The following PPFIA4 variants were observed in gnomAD, a reference collection of about 807,000 sequenced individuals.
PPFIA4 encodes PPFI scaffold protein A4.
Under a neutral mutation model 145.7 loss-of-function variants are expected in PPFIA4, and 98 were observed. The ratio of observed to expected loss-of-function variants is 0.67; its 90% CI spans 0.57 to 0.80. The LOEUF (loss-of-function observed/expected upper bound fraction) is 0.80. Ranked by LOEUF, PPFIA4 falls within the 30% of genes least tolerant of loss-of-function variation. The pLI, the probability that PPFIA4 is intolerant of heterozygous loss-of-function variation, is 0.00. For synonymous variants in PPFIA4, 628 were observed against 649.6 expected (o/e 0.97, Z 0.51); for missense variants, 1,457 against 1,632.7 (o/e 0.89, Z 1.85).
chr1:203,048,051 G>C lies in PPFIA4; in HGVS notation c.1141-176G>C, dbSNP rs1186288721. On this transcript the variant is annotated intron_variant, in intron 9 of 29. Coordinates refer to ENST00000295706, the MANE Select transcript of PPFIA4 (RefSeq NM_001304331.2). This position sits in a 1 kb window ranked among gnomAD's most constrained non-coding sequence, Gnocchi z 5.8. ...ACCTGGCAGGTATTGAAGTACCTGG[G>C]AAGAAAGGCAATGGGGATGGTGGTC... 6.6e-6 allele frequency among the ~76,000 whole-genome samples: 1 copy of C among 152,202 alleles called. No homozygotes were observed. The highest frequency in any genetic ancestry group is 1.5e-5 in the Non-Finnish European group (1 of 68,030).
At chr1:203,052,826 A>C (rs1660631602) in intron 14 of PPFIA4, among the ~76,000 whole-genome samples, 1 of 152,194 alleles carries the variant, frequency 6.6e-6, no homozygotes, top group South Asian at 2.1e-4. Context: ...GGATGATTTC[A>C]GAGAAGCTGC....
Position 203,048,823 on chromosome 1 carries a change from G to A in PPFIA4, c.1357-95G>A, listed in dbSNP as rs1660281026. 1.3e-6 allele frequency: 2 copies of A among 1,532,126 alleles called. No homozygotes were observed. Among genetic ancestry groups the A allele is most frequent in the East Asian group, 4.9e-5 (2 of 41,016 alleles). 94.9% of individuals were successfully genotyped at this position (1,532,126 alleles called of 1,614,324 possible). A position where few individuals can be genotyped will look rare whatever the true frequency, so the allele number is the denominator to read the frequency against. ...GGGGTCTCAATGGGGTGGGTGGCCAGCCTGGAGAGGTGGGGCTGAGACTGC... is the reference window on the plus strand; with the variant it reads ...GGGGTCTCAATGGGGTGGGTGGCCAACCTGGAGAGGTGGGGCTGAGACTGC... On this transcript the variant is annotated intron_variant, in intron 11 of 29. Coordinates refer to ENST00000295706, the MANE Select transcript of PPFIA4 (RefSeq NM_001304331.2). This position sits in a 1 kb window ranked among gnomAD's most constrained non-coding sequence, Gnocchi z 5.8.
chr1:203,032,426 C>CTTTTTTTTTTTT (rs67178955), intron 1 of PPFIA4, among the ~76,000 whole-genome samples: 9,212 of 58,192 alleles, frequency 0.16, 639 homozygotes, highest in East Asian at 0.3. Flanking sequence ...CCCTTCCCCG[C>CTTTTTTTTTTTT]TTTTTTGTTG....
intron 1 of PPFIA4, among the ~76,000 whole-genome samples, chr1:203,030,453 C>T (rs1172570130): frequency 2.0e-5 from 3 of 152,164 alleles, no homozygotes; most frequent in Admixed American, 1.3e-4. Context: ...GGGGTGACCC[C>T]AGAAATCTCA....
At position 203,049,693 on chromosome 1, in the gene PPFIA4, G is replaced by A. The variant is rs778464575; in HGVS notation, c.1437G>A (p.Glu479=). 259 of 1,580,884 alleles carry A rather than the reference G, an allele frequency of 1.6e-4. No homozygotes were observed. Among genetic ancestry groups the A allele is most frequent in the South Asian group, 7.0e-5 (6 of 85,706 alleles). Residue 479 remains glutamate (E), a synonymous_variant, in exon 13 of 30, where the codon GAG becomes GAA. Transcript: ENST00000295706. ...QHHHKGRLSE[E]IEKLRQEVDQ... ...TGGCACAGGGCCGCCTGTCTGAAGA[G>A]ATTGAGAAGCTGCGCCAAGAGGTGG...
intron 18 of PPFIA4, 102 bp from the exon 19 acceptor site, chr1:203,056,682 T>G (rs1660979956): frequency 6.9e-6 from 9 of 1,301,156 alleles, no homozygotes; most frequent in Non-Finnish European, 8.6e-6. Context: ...ATCCCAGTTC[T>G]GACTTAATAG....
Position 203,055,640 on chromosome 1 carries a change from C to CA in PPFIA4, c.2039dup (p.Asp681GlyfsTer13). 2 of 1,614,024 alleles carry CA rather than the reference C, an allele frequency of 1.2e-6. No homozygotes were observed. The highest frequency in any genetic ancestry group is 1.7e-6 in the Non-Finnish European group (2 of 1,179,888). On this transcript the variant is annotated frameshift_variant, in exon 16 of 30. Transcript: ENST00000295706. LOFTEE classifies it high-confidence loss of function. The surrounding 1 kb of genome is among the most constrained non-coding windows in gnomAD (Gnocchi z 4.8). Reference sequence around the variant, plus strand: ...TAAGCTCACCTCCCGCAGTGCTGCCCAGGACCTGGACCGAATGGGGGTCAT... The same window carrying CA: ...TAAGCTCACCTCCCGCAGTGCTGCCCAAGGACCTGGACCGAATGGGGGTCAT...
chr1:203,068,563 C>T lies in PPFIA4; in HGVS notation c.3259C>T (p.Leu1087=). The change falls in exon 27 of 30, where the codon CTG becomes TTG. Residue 1087 remains leucine (L), a synonymous_variant. Transcript: ENST00000295706. This position sits in a 1 kb window ranked among gnomAD's most constrained non-coding sequence, Gnocchi z 4.7. ...TGGTGTGCATGGAGCCTTGCTGGCC[C>T]TGGACGAGAACTTCGACCACAACAC... is the stretch of plus-strand genomic sequence containing the variant. The part of the protein sequence containing the change: ...ESGVHGALLA[L]DENFDHNTLA... 6.2e-7 allele frequency: 1 copy of T among 1,601,254 alleles called. No individual in the cohort carries two copies. The highest frequency in any genetic ancestry group is 8.5e-7 in the Non-Finnish European group (1 of 1,174,320).
chr1:203,068,345 GC>G lies in PPFIA4; in HGVS notation c.3149-107del, dbSNP rs1661877821. Reference sequence around the variant, plus strand: ...TTAGGGATGGAGTGGGGGTCAGAGAGCAGGGTGGACTGCGGCTCTGGGTTTA... The same window carrying G: ...TTAGGGATGGAGTGGGGGTCAGAGAGAGGGTGGACTGCGGCTCTGGGTTTA... On this transcript the variant is annotated intron_variant, in intron 26 of 29. Coordinates refer to ENST00000295706, the MANE Select transcript of PPFIA4 (RefSeq NM_001304331.2). The surrounding 1 kb of genome is among the most constrained non-coding windows in gnomAD (Gnocchi z 4.7). 4.2e-6 allele frequency: 4 copies of G among 948,020 alleles called. No homozygotes were observed. The highest frequency in any genetic ancestry group is 3.9e-5 in the South Asian group (2 of 51,628). The allele number at this position is 948,020 out of a possible 1,614,324, so 58.7% of individuals were successfully genotyped here.
Position 203,075,862 on chromosome 1 carries a change from T to A in PPFIA4, c.3574+105T>A. The stretch of plus-strand genomic sequence containing the variant: ...TGGAGAGGGGCGAGGCCGAGGCTGG[T>A]GCCCCGCGCTCCTGCGCTGCAGCTG... On this transcript the variant is annotated intron_variant, in intron 29 of 29. Transcript: ENST00000295706. This position sits in a 1 kb window ranked among gnomAD's most constrained non-coding sequence, Gnocchi z 4.1. 1 of 1,144,928 alleles carries A rather than the reference T, an allele frequency of 8.7e-7. No individual in the cohort carries two copies. Among genetic ancestry groups the A allele is most frequent in the South Asian group, 2.5e-5 (1 of 40,666 alleles). The allele number at this position is 1,144,928 out of a possible 1,614,324, so 70.9% of individuals were successfully genotyped here. A position where few individuals can be genotyped will look rare whatever the true frequency, so the allele number is the denominator to read the frequency against.
rs3831931 is a variant in PPFIA4 at position 203,068,346 on chromosome 1, CA to C, written c.3149-106del. Reference sequence around the variant, plus strand: ...TAGGGATGGAGTGGGGGTCAGAGAGCAGGGTGGACTGCGGCTCTGGGTTTAG... The same window carrying C: ...TAGGGATGGAGTGGGGGTCAGAGAGCGGGTGGACTGCGGCTCTGGGTTTAG... On this transcript the variant is annotated intron_variant, in intron 26 of 29. Transcript: ENST00000295706. The surrounding 1 kb of genome is among the most constrained non-coding windows in gnomAD (Gnocchi z 4.7). 159,948 of 951,178 alleles carry C rather than the reference CA, an allele frequency of 0.17. 14,780 individuals are homozygous for C. Among genetic ancestry groups the C allele is most frequent in the South Asian group, 0.18 (9,590 of 52,000 alleles). The allele number at this position is 951,178 out of a possible 1,614,324, so 58.9% of individuals were successfully genotyped here. A position where few individuals can be genotyped will look rare whatever the true frequency, so the allele number is the denominator to read the frequency against.
chr1:203,043,326 C>T lies in PPFIA4; in HGVS notation c.235-71C>T, dbSNP rs1217900515. The T allele has an allele frequency of 3.7e-6, 5 of 1,364,030 alleles. No individual in the cohort carries two copies. Among genetic ancestry groups the T allele is most frequent in the Non-Finnish European group, 5.1e-6 (5 of 977,524 alleles). 84.5% of individuals were successfully genotyped at this position (1,364,030 alleles called of 1,614,324 possible). A position where few individuals can be genotyped will look rare whatever the true frequency, so the allele number is the denominator to read the frequency against. On this transcript the variant is annotated intron_variant, in intron 2 of 29. Coordinates refer to ENST00000295706, the MANE Select transcript of PPFIA4 (RefSeq NM_001304331.2). This position sits in a 1 kb window ranked among gnomAD's most constrained non-coding sequence, Gnocchi z 4.4. Reference sequence around the variant, plus strand: ...AGGGATGGGTGAGAGGATCCCACCACTGACTTGCATGTGCAGGACACTGCT... The same window carrying T: ...AGGGATGGGTGAGAGGATCCCACCATTGACTTGCATGTGCAGGACACTGCT...
intron 2 of PPFIA4, among the ~76,000 whole-genome samples, chr1:203,039,474 G>C (rs906978674): frequency 1.3e-5 from 2 of 152,218 alleles, no homozygotes; most frequent in African/African-American, 4.8e-5. Flanking sequence ...GCAGCCATAG[G>C]TGTCAGCTAC....
chr1:203,036,643 G>A (rs936931233), intron 1 of PPFIA4, among the ~76,000 whole-genome samples: 1 of 152,250 alleles, frequency 6.6e-6, no homozygotes, highest in Admixed American at 6.5e-5. Flanking sequence ...CAGGGCTGGA[G>A]CATTCAGGGT....
At chr1:203,041,571 G>A (rs1419094817) in intron 2 of PPFIA4, among the ~76,000 whole-genome samples, 1 of 152,210 alleles carries the variant, frequency 6.6e-6, no homozygotes, top group East Asian at 1.9e-4. Flanking sequence ...CAGCCTGGGT[G>A]ACAGAGGAGA....
At chr1:203,073,465 C>T (rs1236600989) in intron 28 of PPFIA4, among the ~76,000 whole-genome samples, 1 of 151,996 alleles carries the variant, frequency 6.6e-6, no homozygotes, top group Non-Finnish European at 1.5e-5. Flanking sequence ...TTGTGGGAAG[C>T]GTAGAGTAGA....
At position 203,049,674 on chromosome 1, in the gene PPFIA4, A is replaced by G; in HGVS notation, c.1420-2A>G. 1 of 1,500,082 alleles carries G rather than the reference A, an allele frequency of 6.7e-7. No individual in the cohort carries two copies. The allele number at this position is 1,500,082 out of a possible 1,614,324, so 92.9% of individuals were successfully genotyped here. ...GCCCCCACCCCGGGTCTGCTGGCAC[A>G]GGGCCGCCTGTCTGAAGAGATTGAG... On this transcript the variant is annotated splice_acceptor_variant, in intron 12 of 29. Coordinates refer to ENST00000295706, the MANE Select transcript of PPFIA4 (RefSeq NM_001304331.2). LOFTEE classifies it high-confidence loss of function.
At chr1:203,052,052 C>CCCCA (rs1553257080) in intron 14 of PPFIA4, among the ~76,000 whole-genome samples, 175 bp downstream of exon 14, 5 of 140,062 alleles carry the variant, frequency 3.6e-5, no homozygotes, top group Admixed American at 3.5e-4. Context: ...TGTGCCCCCC[C>CCCCA]CCCCGCTTGC....
intron 12 of PPFIA4, among the ~76,000 whole-genome samples, chr1:203,049,427 A>C (rs1660331045): frequency 6.6e-6 from 1 of 152,154 alleles, no homozygotes; most frequent in Admixed American, 6.5e-5. Context: ...AGGCTAGCAG[A>C]GCCCTCCCCA....
Sources: gnomAD v4.1 joint callset for allele counts (sites outside exome capture counted in the v4.1 genomes callset) on GRCh38, gnomAD v4.1.1 for gene constraint, Gnocchi (gnomAD v3.1) non-coding constraint, MANE v1.5 for transcripts, NCBI Gene and HGNC (gene_info 2026-07-23, HGNC 2026-07-21) for gene names.